BBS1: variants seen among roughly 807,000 people sequenced by gnomAD.
The protein encoded by BBS1 is Bardet-Biedl syndrome 1.
A neutral mutation model predicts 73.9 loss-of-function variants in BBS1; 60 were observed. The observed-to-expected ratio is 0.81, with a 90% CI of 0.66 to 1.01. The LOEUF (loss-of-function observed/expected upper bound fraction) is 1.01. Ranked by LOEUF, BBS1 falls within the 50% of genes least tolerant of loss-of-function variation. The pLI, the probability that BBS1 is intolerant of heterozygous loss-of-function variation, is 0.00. For synonymous variants in BBS1, 283 were observed against 317.4 expected (o/e 0.89, Z 1.15); for missense variants, 718 against 770.3 (o/e 0.93, Z 0.80).
chr11:66,529,442 A>C (rs1175442634), intron 13 of BBS1: 1 of 840,498 alleles, frequency 1.2e-6, no homozygotes, highest in Non-Finnish European at 2.0e-6. Flanking sequence ...GTGGACACCA[A>C]GGACTCCTCT....
At chr11:66,522,083 GGT>G (rs1226883571) in intron 9 of BBS1, among the ~76,000 whole-genome samples, 3 of 150,884 alleles carry the variant, frequency 2.0e-5, no homozygotes, top group Admixed American at 6.6e-5. Context: ...TGGGCATGGT[GGT>G]GGGCGCCTGT....
intron 7 of BBS1, among the ~76,000 whole-genome samples, chr11:66,517,060 A>G (rs957182110): frequency 6.6e-6 from 1 of 152,006 alleles, no homozygotes; most frequent in Non-Finnish European, 1.5e-5. Context: ...TTAGCCGGGC[A>G]TGGTAGCGGT....
At position 66,510,764 on chromosome 11, in the gene BBS1, T is replaced by C; in HGVS notation, c.47+58T>C. 1.9e-6 allele frequency: 3 copies of C among 1,606,806 alleles called. No homozygotes were observed. The South Asian group carries it at 3.3e-5, about 18-fold the overall frequency. On this transcript the variant is annotated intron_variant, in intron 1 of 16. Transcript: ENST00000318312. The stretch of plus-strand genomic sequence containing the variant: ...CACCCGTGTAAAGAGGGTCCCTTGG[T>C]CCCCGGGCTCTGGGCTCCTGCTGTT...
intron 15 of BBS1, 82 bp downstream of exon 15, chr11:66,531,110 G>A: frequency 6.4e-7 from 1 of 1,574,704 alleles, no homozygotes; most frequent in Non-Finnish European, 8.6e-7. Flanking sequence ...GCCCCGCCAG[G>A]TCAGGGTCAG....
chr11:66,519,558 G>A lies in BBS1; in HGVS notation c.592-59G>A, dbSNP rs530002073. On this transcript the variant is annotated intron_variant, in intron 7 of 16. Transcript: ENST00000318312. Reference sequence around the variant, plus strand: ...TTTCTTCCCTCATGTGGCATTCTGGGAGTATCTTGGGGGTGGTGTGTGGAG... The same window carrying A: ...TTTCTTCCCTCATGTGGCATTCTGGAAGTATCTTGGGGGTGGTGTGTGGAG... The A allele has an allele frequency of 1.6e-3, 2,624 of 1,610,650 alleles. 2 individuals are homozygous for A. Among genetic ancestry groups the A allele is most frequent in the Middle Eastern group, 3.1e-3 (19 of 6,046 alleles).
At position 66,529,288 on chromosome 11, in the gene BBS1, G is replaced by A. The variant is rs757486660; in HGVS notation, c.1340-531G>A. On this transcript the variant is annotated intron_variant, in intron 13 of 16. Coordinates refer to ENST00000318312, the MANE Select transcript of BBS1 (RefSeq NM_024649.5). ...GTGGACCTAGGTGACTTGATGGACA[G>A]GGAGGCAGTGACGGAGGCAGGACCA... 5 of 1,535,088 alleles carry A rather than the reference G, an allele frequency of 3.3e-6. No homozygotes were observed. In the South Asian group the frequency reaches 4.8e-5, roughly 15 times the overall value.
rs1286938929 is a variant in BBS1 at position 66,514,619 on chromosome 11, A to C, written c.373A>C (p.Ser125Arg). The C allele has an allele frequency of 6.2e-7, 1 of 1,613,736 alleles. No homozygotes were observed. Among genetic ancestry groups the C allele is most frequent in the Admixed American group, 1.7e-5 (1 of 60,004 alleles). The stretch of plus-strand genomic sequence containing the variant: ...GAATCTCAGACCCTACTTCAAGTTC[A>C]GCCTGCCCCAATTGCCTCCAAATCC... ...YKNLRPYFKF[S>R]LPQLPPNPLE... Residue 125 changes from serine (S) to arginine (R), a missense_variant, in exon 4 of 17, where the codon AGC (serine) becomes CGC (arginine). Transcript: ENST00000318312.
intron 9 of BBS1, 146 bp downstream of exon 9, chr11:66,521,522 AAC>A: frequency 1.4e-6 from 1 of 715,840 alleles, no homozygotes; most frequent in Non-Finnish European, 2.5e-6. Flanking sequence ...TGAGCCCACA[AAC>A]ACAGGGGAGG....
chr11:66,530,383 G>A (rs982105990), intron 14 of BBS1, among the ~76,000 whole-genome samples: 12 of 152,186 alleles, frequency 7.9e-5, no homozygotes, highest in Admixed American at 3.3e-4. Context: ...AGACCAGCAC[G>A]GGCAAAAGGA....
chr11:66,529,235 T>G, intron 13 of BBS1: 1 of 1,502,896 alleles, frequency 6.7e-7, no homozygotes, highest in Non-Finnish European at 8.9e-7. Flanking sequence ...AAGAGTCATG[T>G]GATCCTGCAA....
At chr11:66,524,959 G>A (rs1345240250) in intron 11 of BBS1, among the ~76,000 whole-genome samples, 2 of 152,084 alleles carry the variant, frequency 1.3e-5, no homozygotes, top group African/African-American at 2.4e-5. Context: ...CCAGCACTTT[G>A]GGAGGCCGAG....
chr11:66,522,932 C>T (rs576580828), intron 9 of BBS1: 3 of 350,328 alleles, frequency 8.6e-6, no homozygotes, highest in Non-Finnish European at 1.7e-5. Flanking sequence ...GTGAGAAAGT[C>T]GGGAAGAGTG....
Position 66,514,627 on chromosome 11 carries a change from C to T in BBS1, c.381C>T (p.Pro127=), listed in dbSNP as rs1317121045. The T allele has an allele frequency of 1.2e-6, 2 of 1,613,454 alleles. No individual in the cohort carries two copies. Among genetic ancestry groups the T allele is most frequent in the Admixed American group, 1.7e-5 (1 of 60,002 alleles). The change falls in exon 4 of 17, where the codon CCC becomes CCT. Residue 127 remains proline (P), a synonymous_variant. Transcript: ENST00000318312. ...GACCCTACTTCAAGTTCAGCCTGCCCCAATTGCCTCCAAATCCTCTGGAAC... is the reference window on the plus strand; with the variant it reads ...GACCCTACTTCAAGTTCAGCCTGCCTCAATTGCCTCCAAATCCTCTGGAAC... ...NLRPYFKFSL[P]QLPPNPLEQD...
Position 66,510,635 on chromosome 11 carries a change from G to T in BBS1, c.-25G>T, listed in dbSNP as rs1855917352. 6.2e-7 allele frequency: 1 copy of T among 1,613,910 alleles called. No homozygotes were observed. Among genetic ancestry groups the T allele is most frequent in the Non-Finnish European group, 8.5e-7 (1 of 1,179,994 alleles). ...TTGGGCGTTACGCGAGGGCGGGGCC[G>T]GTTGCCAGGACGACGCCTGCGAAGA... On this transcript the variant is annotated 5_prime_UTR_variant, in exon 1 of 17. Coordinates refer to ENST00000318312, the MANE Select transcript of BBS1 (RefSeq NM_024649.5).
At chr11:66,520,366 C>T (rs563152036) in intron 8 of BBS1, 1 of 154,380 alleles carries the variant, frequency 6.5e-6, no homozygotes, top group South Asian at 2.0e-4. Context: ...CTCACTGCAG[C>T]TTCTACCTCC....
rs1384037264 is a variant in BBS1 at position 66,511,300 on chromosome 11, T to C, written c.159+61T>C. 3 of 1,581,920 alleles carry C rather than the reference T, an allele frequency of 1.9e-6. No homozygotes were observed. In the African/African-American group the frequency reaches 4.1e-5, roughly 21 times the overall value. On this transcript the variant is annotated intron_variant, in intron 3 of 16. Coordinates refer to ENST00000318312, the MANE Select transcript of BBS1 (RefSeq NM_024649.5). The stretch of plus-strand genomic sequence containing the variant: ...AGGGGGGTGTACCCAGAAATGAGAT[T>C]TCCTGACGGCTGAAAATAGGCCCAG...
Position 66,526,341 on chromosome 11 carries a change from C to T in BBS1, c.1180+149C>T, listed in dbSNP as rs993682154. On this transcript the variant is annotated intron_variant, in intron 12 of 16. Coordinates refer to ENST00000318312, the MANE Select transcript of BBS1 (RefSeq NM_024649.5). ...ACAGAAGTGTCCTTCTGGAGCTAGG[C>T]CTCCACTGGGACAGCCCAAGGGCTG... The T allele has an allele frequency of 3.8e-5, 33 of 870,252 alleles. 1 individual carries two copies. The highest frequency in any genetic ancestry group is 2.7e-4 in the South Asian group (16 of 59,830). The allele number at this position is 870,252 out of a possible 1,614,324, so 53.9% of individuals were successfully genotyped here. A position where few individuals can be genotyped will look rare whatever the true frequency, so the allele number is the denominator to read the frequency against.
In BBS1 at chr11:66,514,648, G is replaced by A; in HGVS notation, c.402G>A (p.Leu134=). 4 of 1,612,936 alleles carry A rather than the reference G, an allele frequency of 2.5e-6. No individual in the cohort carries two copies. The highest frequency in any genetic ancestry group is 2.5e-6 in the Non-Finnish European group (3 of 1,180,022). ...FSLPQLPPNP[L]EQDLWNQAKE... ...TGCCCCAATTGCCTCCAAATCCTCT[G>A]GAACAAGACCTTTGGAACCAGGCCA... Residue 134 remains leucine, a synonymous_variant, in exon 4 of 17, where the codon CTG becomes CTA. Transcript: ENST00000318312.
rs1050795094 is a variant in BBS1, at chr11:66,529,490, TG to T, written c.1340-324del. 5.4e-6 allele frequency: 4 copies of T among 733,954 alleles called. No homozygotes were observed. In the African/African-American group the frequency reaches 6.9e-5, roughly 13 times the overall value. 45.5% of individuals were successfully genotyped at this position (733,954 alleles called of 1,614,324 possible). A position where few individuals can be genotyped will look rare whatever the true frequency, so the allele number is the denominator to read the frequency against. Reference sequence around the variant, plus strand: ...GAGCTGTGGCAGGACATGGATTGTCTGGGGGAAGAAGATGGAGGATGAGAAG... The same window carrying T: ...GAGCTGTGGCAGGACATGGATTGTCTGGGGAAGAAGATGGAGGATGAGAAG... On this transcript the variant is annotated intron_variant, in intron 13 of 16. Coordinates refer to ENST00000318312, the MANE Select transcript of BBS1 (RefSeq NM_024649.5).
Sources: gnomAD v4.1 joint callset for allele counts (sites outside exome capture counted in the v4.1 genomes callset) on GRCh38, gnomAD v4.1.1 for gene constraint, MANE v1.5 for transcripts, NCBI Gene and HGNC (gene_info 2026-07-23, HGNC 2026-07-21) for gene names.